Variants in MYRIP observed in about 807,000 individuals in gnomAD.
MYRIP encodes rab effector MyRIP.
Under a neutral mutation model 98.0 loss-of-function variants are expected in MYRIP, and 49 were observed. That is an observed-to-expected ratio of 0.50 (90% CI 0.40 to 0.63). The LOEUF is 0.63. MYRIP is among the 30% of genes least tolerant of loss of function. The pLI is 0.00. For missense variants in MYRIP, 1,004 were observed against 1,058.2 expected (o/e 0.95, Z 0.71); for synonymous variants, 404 against 409.5 (o/e 0.99, Z 0.16).
intron 2 of MYRIP, among the ~76,000 whole-genome samples, chr3:39,986,746 T>C (rs796776421): frequency 1.4e-4 from 22 of 152,270 alleles, no homozygotes; most frequent in African/African-American, 5.3e-4. Context: ...TGGAGTGGAT[T>C]CCTGCAGACA....
intron 2 of MYRIP, among the ~76,000 whole-genome samples, chr3:40,039,726 CT>C (rs34636704): frequency 0.9 from 133,545 of 148,426 alleles, 60,764 homozygotes; most frequent in Non-Finnish European, 0.97. Flanking sequence ...ACTGTTTTCC[CT>C]TTTTTTTTTT....
Position 40,151,116 on chromosome 3 carries a change from G to A in MYRIP, c.401G>A (p.Ser134Asn), listed in dbSNP as rs748768884. The A allele has an allele frequency of 1.3e-5, 21 of 1,611,308 alleles. No homozygotes were observed. The highest frequency in any genetic ancestry group is 1.8e-5 in the Non-Finnish European group (21 of 1,178,690). ...AAGAGCCGCTTCAAGCGCTTTGGCA[G>A]TGCCAAGGTTCTGAAGAACCTGTAC... is the stretch of plus-strand genomic sequence containing the variant. ...NVKSRFKRFG[S>N]AKVLKNLYRK... The change falls in exon 4 of 17, where the codon AGT (serine) becomes AAT (asparagine). Residue 134 changes from serine to asparagine, a missense_variant. Ser to Asn is a conservative substitution (Grantham distance 46). This residue lies in a region of MYRIP where 880 missense variants were observed against 907.7 expected (regional missense o/e 0.97). Transcript: ENST00000302541.
chr3:40,245,698 A>G (rs1303795314), intron 13 of MYRIP, among the ~76,000 whole-genome samples: 5 of 146,548 alleles, frequency 3.4e-5, no homozygotes, highest in Non-Finnish European at 7.5e-5. Context: ...CAAGTTTGAG[A>G]GACACTCGTC....
At chr3:40,051,969 C>T (rs1408009019) in intron 3 of MYRIP, among the ~76,000 whole-genome samples, 3 of 151,928 alleles carry the variant, frequency 2.0e-5, no homozygotes, top group Admixed American at 6.6e-5. Flanking sequence ...TATAATGTGT[C>T]GTGATCAAAT....
At chr3:39,992,489 A>G (rs943218964) in intron 2 of MYRIP, among the ~76,000 whole-genome samples, 1 of 152,098 alleles carries the variant, frequency 6.6e-6, no homozygotes, top group African/African-American at 2.4e-5. Flanking sequence ...TCTCTTTCCA[A>G]TTTAACTCTG....
At chr3:40,155,045 G>A (rs558218206) in intron 4 of MYRIP, among the ~76,000 whole-genome samples, 1 of 151,700 alleles carries the variant, frequency 6.6e-6, no homozygotes, top group East Asian at 1.9e-4. Context: ...CAATGTGCAG[G>A]TTAGTTACAT....
intron 3 of MYRIP, among the ~76,000 whole-genome samples, chr3:40,096,608 G>A (rs141376092): frequency 6.6e-6 from 1 of 152,336 alleles, no homozygotes; most frequent in African/African-American, 2.4e-5. Flanking sequence ...TCTCAGGCCA[G>A]AATTCCTGCA....
intron 1 of MYRIP, among the ~76,000 whole-genome samples, chr3:39,885,683 G>A (rs1314643903): frequency 1.3e-5 from 2 of 151,998 alleles, no homozygotes; most frequent in African/African-American, 4.8e-5. Context: ...TTTCTTGGAG[G>A]CTTTGCTTGT....
At chr3:40,162,984 C>A (rs1950429302) in intron 5 of MYRIP, 174 bp downstream of exon 5, 2 of 563,514 alleles carry the variant, frequency 3.5e-6, no homozygotes, top group Admixed American at 6.8e-5. Context: ...AATCCATCAT[C>A]AAAATAGGTG....
intron 3 of MYRIP, among the ~76,000 whole-genome samples, chr3:40,058,273 A>C (rs2125845457): frequency 6.6e-6 from 1 of 152,302 alleles, no homozygotes; most frequent in African/African-American, 2.4e-5. Context: ...TCATACAGTG[A>C]ATGTTTGAGG....
chr3:39,915,758 C>CAA (rs10595634), intron 2 of MYRIP, among the ~76,000 whole-genome samples: 2,418 of 144,178 alleles, frequency 0.017, 65 homozygotes, highest in African/African-American at 0.057. Flanking sequence ...AATGCCAGGC[C>CAA]AAAAAAAAAA....
intron 2 of MYRIP, among the ~76,000 whole-genome samples, chr3:40,032,214 G>C (rs1273833977): frequency 3.3e-5 from 5 of 151,898 alleles, no homozygotes; most frequent in African/African-American, 9.7e-5. Context: ...GTTTCAAAGA[G>C]CATCTTTATT....
intron 1 of MYRIP, among the ~76,000 whole-genome samples, chr3:39,817,618 A>G (rs2125567949): frequency 6.6e-6 from 1 of 152,326 alleles, no homozygotes; most frequent in Admixed American, 6.5e-5. Flanking sequence ...TAAAATCAAT[A>G]TAAAATTATC....
intron 2 of MYRIP, among the ~76,000 whole-genome samples, chr3:40,022,114 A>G (rs1018332498): frequency 3.3e-5 from 5 of 152,204 alleles, no homozygotes; most frequent in Admixed American, 6.5e-5. Flanking sequence ...TCCACTGCTC[A>G]TGCTTTATCA....
chr3:39,884,763 T>A (rs1176727919), intron 1 of MYRIP, among the ~76,000 whole-genome samples: 2 of 151,962 alleles, frequency 1.3e-5, no homozygotes, highest in African/African-American at 2.4e-5. Flanking sequence ...CTTTTTTTCC[T>A]TAACAGCCAC....
chr3:40,254,747 T>G (rs1186134108), intron 16 of MYRIP, among the ~76,000 whole-genome samples: 1 of 152,112 alleles, frequency 6.6e-6, no homozygotes, highest in South Asian at 2.1e-4. Context: ...CCCAGATTTA[T>G]TTTCCTTTCA....
intron 3 of MYRIP, among the ~76,000 whole-genome samples, chr3:40,101,014 AC>A (rs1948934583): frequency 1.3e-5 from 2 of 151,872 alleles, no homozygotes; most frequent in African/African-American, 4.8e-5. Context: ...ACCCCACTCC[AC>A]CCCATCTGTG....
At chr3:40,192,326 G>GTTATATATATATA (rs1951246980) in intron 10 of MYRIP, among the ~76,000 whole-genome samples, 2 of 17,146 alleles carry the variant, frequency 1.2e-4, no homozygotes, top group African/African-American at 1.8e-4. Context: ...ATATATATAT[G>GTTATATATATATA]TCATATATAT....
chr3:39,884,798 C>G (rs1317629488), intron 1 of MYRIP, among the ~76,000 whole-genome samples: 1 of 138,098 alleles, frequency 7.2e-6, no homozygotes, highest in African/African-American at 2.7e-5. Context: ...TATGGCTATA[C>G]AGTCATTATT....
Sources: gnomAD v4.1 joint callset for allele counts (sites outside exome capture counted in the v4.1 genomes callset) on GRCh38, gnomAD v4.1.1 for gene constraint, gnomAD v4.1.1 regional missense constraint, MANE v1.5 for transcripts, NCBI Gene and HGNC (gene_info 2026-07-23, HGNC 2026-07-21) for gene names.